Variants in XRN2 observed in about 807,000 individuals in gnomAD.
XRN2 encodes DHM1-like protein.
A neutral mutation model predicts 138.5 loss-of-function variants in XRN2; 44 were observed. That is an observed-to-expected ratio of 0.32 (90% CI 0.25 to 0.41). XRN2 has a LOEUF of 0.41. Ranked by LOEUF, XRN2 falls within the 10% of genes least tolerant of loss-of-function variation. The pLI, the probability that XRN2 is intolerant of heterozygous loss-of-function variation, is 1.00. For synonymous variants in XRN2, 354 were observed against 369.4 expected (o/e 0.96, Z 0.48); for missense variants, 937 against 1,169.3 (o/e 0.80, Z 2.90).
At chr20:21,374,950 A>G (rs1191632981) in intron 27 of XRN2, among the ~76,000 whole-genome samples, 8 of 148,124 alleles carry the variant, frequency 5.4e-5, no homozygotes, top group African/African-American at 2.0e-4. Flanking sequence ...TATAGATTCA[A>G]ATTTTTTAGT....
At chr20:21,324,610 G>C (rs1442329103) in intron 1 of XRN2, among the ~76,000 whole-genome samples, 1 of 151,734 alleles carries the variant, frequency 6.6e-6, no homozygotes, top group Non-Finnish European at 1.5e-5. Context: ...TTCCTGATGG[G>C]CTTGTTTCCT....
chr20:21,331,370 A>T (rs1330839797), intron 6 of XRN2, among the ~76,000 whole-genome samples, 191 bp from the exon 7 acceptor site: 1 of 150,142 alleles, frequency 6.7e-6, no homozygotes, highest in Non-Finnish European at 1.5e-5. Flanking sequence ...TTATTCAGAA[A>T]ATTTTCAGTG....
intron 1 of XRN2, among the ~76,000 whole-genome samples, chr20:21,322,123 C>T (rs2038054563): frequency 6.6e-6 from 1 of 152,106 alleles, no homozygotes; most frequent in African/African-American, 2.4e-5. Flanking sequence ...TACTCCAGAC[C>T]TCACAAGGTT....
Position 21,354,889 on chromosome 20 carries a change from T to G in XRN2, c.2020+17T>G, listed in dbSNP as rs1330758613. On this transcript the variant is annotated intron_variant, in intron 21 of 29. Transcript: ENST00000377191. The stretch of plus-strand genomic sequence containing the variant: ...CAGAAGAGAGTAAGAATTATACTTC[T>G]TAGTTAACATTGATCTGTGTAATAT... 9 of 1,595,158 alleles carry G rather than the reference T, an allele frequency of 5.6e-6. No homozygotes were observed. The highest frequency in any genetic ancestry group is 7.7e-6 in the Non-Finnish European group (9 of 1,164,656).
At chr20:21,364,947 C>T (rs769509262) in intron 24 of XRN2, among the ~76,000 whole-genome samples, 3 of 152,096 alleles carry the variant, frequency 2.0e-5, no homozygotes, top group Non-Finnish European at 4.4e-5. Context: ...CCCCCCCGCA[C>T]CATAGATTTC....
At chr20:21,318,983 T>G (rs959406042) in intron 1 of XRN2, among the ~76,000 whole-genome samples, 6 of 152,166 alleles carry the variant, frequency 3.9e-5, no homozygotes, top group Non-Finnish European at 5.9e-5. Flanking sequence ...TGTTCTATTA[T>G]TGAAGGGGGA....
chr20:21,383,136 T>G (rs1272103623), intron 28 of XRN2, among the ~76,000 whole-genome samples: 2 of 152,260 alleles, frequency 1.3e-5, no homozygotes, highest in Non-Finnish European at 2.9e-5. Context: ...CGATGTTTAC[T>G]AATAGTGTCA....
At chr20:21,355,921 C>T (rs1448038784) in intron 21 of XRN2, among the ~76,000 whole-genome samples, 159 bp from the exon 22 acceptor site, 1 of 152,162 alleles carries the variant, frequency 6.6e-6, no homozygotes, top group Non-Finnish European at 1.5e-5. Context: ...AATACTAGAA[C>T]TTACTCTTGT....
At chr20:21,388,921 G>T (rs1307585687) in intron 29 of XRN2, among the ~76,000 whole-genome samples, 2 of 152,216 alleles carry the variant, frequency 1.3e-5, no homozygotes, top group African/African-American at 4.8e-5. Flanking sequence ...ATTGATGTGG[G>T]TATCTTACCA....
intron 1 of XRN2, among the ~76,000 whole-genome samples, chr20:21,317,514 C>T (rs2037976469): frequency 6.6e-6 from 1 of 152,054 alleles, no homozygotes; most frequent in Non-Finnish European, 1.5e-5. Flanking sequence ...CTAGTCCAGT[C>T]GTCTTGCAGT....
rs2038460019 is a variant in XRN2, at chr20:21,348,057, A to T, written c.1666-89A>T. Reference sequence around the variant, plus strand: ...ATGTGTTTTATAAGTAGAATATTATAGGTTAACAGTCTAATTTTTGTTTTT... The same window carrying T: ...ATGTGTTTTATAAGTAGAATATTATTGGTTAACAGTCTAATTTTTGTTTTT... On this transcript the variant is annotated intron_variant, in intron 17 of 29. Coordinates refer to ENST00000377191, the MANE Select transcript of XRN2 (RefSeq NM_012255.5). The T allele has an allele frequency of 3.0e-6, 3 of 1,000,894 alleles. No individual in the cohort carries two copies. In the Admixed American group the frequency reaches 1.0e-4, roughly 35 times the overall value. 62.0% of individuals were successfully genotyped at this position (1,000,894 alleles called of 1,614,324 possible). A position where few individuals can be genotyped will look rare whatever the true frequency, so the allele number is the denominator to read the frequency against.
rs571669850 is a variant in XRN2 at position 21,383,361 on chromosome 20, A to G, written c.2648+1304A>G. On this transcript the variant is annotated intron_variant, in intron 28 of 29. Coordinates refer to ENST00000377191, the MANE Select transcript of XRN2 (RefSeq NM_012255.5). ...TTGCTCACTTTCCATACTAATAATA[A>G]TGGCAAATGTTTGTCTGCTTACAAA... Among the ~76,000 whole-genome samples, 3 of 152,346 alleles carry G rather than the reference A, an allele frequency of 2.0e-5. No individual in the cohort carries two copies. The South Asian group carries it at 6.2e-4, about 32-fold the overall frequency.
chr20:21,389,200 T>G, intron 29 of XRN2, 73 bp from the exon 30 acceptor site: 2 of 1,356,620 alleles, frequency 1.5e-6, no homozygotes, highest in Non-Finnish European at 2.1e-6. Flanking sequence ...TGTTTTTCCA[T>G]AGAGGTTTAA....
chr20:21,356,341 A>T (rs940865662), intron 22 of XRN2, among the ~76,000 whole-genome samples, 164 bp downstream of exon 22: 3 of 152,140 alleles, frequency 2.0e-5, no homozygotes, highest in African/African-American at 7.2e-5. Context: ...GAACTTTTTC[A>T]TCTTCCCAAA....
intron 6 of XRN2, 136 bp from the exon 7 acceptor site, chr20:21,331,424 CA>C: frequency 1.4e-6 from 1 of 694,854 alleles, no homozygotes; most frequent in Non-Finnish European, 2.5e-6. Context: ...CACACACACA[CA>C]CACACACACA....
At chr20:21,362,582 T>G (rs879374542) in intron 24 of XRN2, among the ~76,000 whole-genome samples, 9 of 151,444 alleles carry the variant, frequency 5.9e-5, no homozygotes, top group Non-Finnish European at 1.3e-4. Context: ...GCTGCTGGGT[T>G]GTTCTTTCTG....
chr20:21,326,710 T>G, intron 3 of XRN2, 109 bp downstream of exon 3: 1 of 858,308 alleles, frequency 1.2e-6, no homozygotes, highest in Non-Finnish European at 1.8e-6. Context: ...GTGATGAACT[T>G]GAGAAAGAAA....
At chr20:21,383,659 GC>G (rs1281119700) in intron 28 of XRN2, among the ~76,000 whole-genome samples, 1 of 152,080 alleles carries the variant, frequency 6.6e-6, no homozygotes, top group African/African-American at 2.4e-5. Context: ...CACTTCTAAG[GC>G]CCCAACAGCT....
At position 21,303,486 on chromosome 20, in the gene XRN2, C is replaced by T. The variant is rs1390718901; in HGVS notation, c.75+13C>T. On this transcript the variant is annotated intron_variant, in intron 1 of 29. Coordinates refer to ENST00000377191, the MANE Select transcript of XRN2 (RefSeq NM_012255.5). ...CGTGGAAGAGAAGGTGAGGAGGCGC[C>T]AGGCGGCCGCCACACTCGAGCCCGG... 2.6e-6 allele frequency: 4 copies of T among 1,536,884 alleles called. No individual in the cohort carries two copies. Among genetic ancestry groups the T allele is most frequent in the Non-Finnish European group, 3.5e-6 (4 of 1,143,126 alleles).
Sources: allele counts gnomAD v4.1 joint callset (sites outside exome capture counted in the v4.1 genomes callset), GRCh38; gene constraint gnomAD v4.1.1; transcripts MANE v1.5; gene names NCBI Gene and HGNC (gene_info 2026-07-23, HGNC 2026-07-21).